Variants in DLGAP2 observed in about 807,000 individuals in gnomAD.
The protein encoded by DLGAP2 is disks large-associated protein 2.
A neutral mutation model predicts 100.3 loss-of-function variants in DLGAP2; 26 were observed. The ratio of observed to expected loss-of-function variants is 0.26; its 90% CI spans 0.19 to 0.36. The LOEUF is 0.36. Ranked by LOEUF, DLGAP2 falls within the 10% of genes least tolerant of loss-of-function variation. DLGAP2 has a pLI of 1.00. For synonymous variants in DLGAP2, 886 were observed against 630.1 expected (o/e 1.41, Z -6.08); for missense variants, 1,858 against 1,453.2 (o/e 1.28, Z -4.53).
chr8:1,175,412 G>A (rs1424157554), intron 2 of DLGAP2, among the ~76,000 whole-genome samples: 1 of 152,128 alleles, frequency 6.6e-6, no homozygotes, highest in African/African-American at 2.4e-5. Flanking sequence ...TACCATCATA[G>A]TTGTGACTAA....
chr8:1,536,103 A>G (rs1801146007), intron 4 of DLGAP2, among the ~76,000 whole-genome samples: 1 of 152,214 alleles, frequency 6.6e-6, no homozygotes, highest in Non-Finnish European at 1.5e-5. Context: ...GTGTAGCAGG[A>G]CAAGCACCTA....
intron 1 of DLGAP2, among the ~76,000 whole-genome samples, chr8:792,401 T>G (rs1585867777): frequency 6.6e-6 from 1 of 152,228 alleles, no homozygotes; most frequent in South Asian, 2.1e-4. Flanking sequence ...TATTTCACAT[T>G]TTAGGACTTA....
intron 2 of DLGAP2, among the ~76,000 whole-genome samples, chr8:930,024 G>C (rs988306314): frequency 7.2e-5 from 11 of 152,066 alleles, no homozygotes; most frequent in Admixed American, 2.6e-4. Flanking sequence ...TGGTGCACCT[G>C]CTCATCCTGA....
intron 3 of DLGAP2, among the ~76,000 whole-genome samples, chr8:1,436,361 G>A (rs1318597804): frequency 1.3e-5 from 2 of 152,156 alleles, no homozygotes; most frequent in African/African-American, 4.8e-5. Flanking sequence ...AAACATGGAG[G>A]CTGGAAGACT....
intron 2 of DLGAP2, among the ~76,000 whole-genome samples, chr8:1,040,636 G>C (rs1209440668): frequency 6.6e-6 from 1 of 151,070 alleles, no homozygotes; most frequent in Non-Finnish European, 1.5e-5. Flanking sequence ...CGATTTCCGT[G>C]GTTGGCTCGG....
intron 1 of DLGAP2, among the ~76,000 whole-genome samples, chr8:886,500 G>C (rs1797925103): frequency 6.6e-6 from 1 of 152,030 alleles, no homozygotes; most frequent in Admixed American, 6.6e-5. Flanking sequence ...TTTCTGATGT[G>C]GGCATTTAGT....
intron 2 of DLGAP2, among the ~76,000 whole-genome samples, chr8:1,122,189 C>T (rs1011454108): frequency 3.3e-5 from 5 of 152,190 alleles, no homozygotes; most frequent in African/African-American, 1.2e-4. Flanking sequence ...GGTTCCACAG[C>T]AGACTCTCAT....
chr8:1,692,593 A>C (rs1482907205), intron 13 of DLGAP2, among the ~76,000 whole-genome samples: 1 of 152,172 alleles, frequency 6.6e-6, no homozygotes, highest in Non-Finnish European at 1.5e-5. Context: ...AGCATCTTAG[A>C]AGAGGAGAAA....
intron 2 of DLGAP2, among the ~76,000 whole-genome samples, chr8:951,410 A>T (rs1161599873): frequency 6.6e-6 from 1 of 151,888 alleles, no homozygotes; most frequent in Non-Finnish European, 1.5e-5. Context: ...ACACCTGGCT[A>T]TTTTTTTGTT....
Position 1,703,524 on chromosome 8 carries a change from G to C in DLGAP2, c.*2118G>C, listed in dbSNP as rs951028721. On this transcript the variant is annotated 3_prime_UTR_variant, in exon 15 of 15. Coordinates refer to ENST00000637795, the MANE Select transcript of DLGAP2 (RefSeq NM_001346810.2). ...GATTTCAGATGAACTCTGCTGTTTA[G>C]AAGTAACCACAGAAAAGCAAAGTCA... The C allele has an allele frequency of 6.6e-6, 1 of 152,432 alleles. No individual in the cohort carries two copies. The highest frequency in any genetic ancestry group is 2.4e-5 in the African/African-American group (1 of 41,436). The allele number at this position is 152,432 out of a possible 1,614,324, so 9.4% of individuals were successfully genotyped here. A position where few individuals can be genotyped will look rare whatever the true frequency, so the allele number is the denominator to read the frequency against.
intron 2 of DLGAP2, among the ~76,000 whole-genome samples, chr8:965,861 G>C (rs1054603805): frequency 6.8e-6 from 1 of 148,058 alleles, no homozygotes; most frequent in East Asian, 2.0e-4. Context: ...TCCAGAGCCC[G>C]ACCCCCGCAT....
intron 4 of DLGAP2, among the ~76,000 whole-genome samples, chr8:1,523,227 G>T (rs1007649730): frequency 2.0e-5 from 3 of 152,220 alleles, no homozygotes. Flanking sequence ...TGAAGATGTA[G>T]CTCCCTCACA....
At chr8:1,363,840 C>T (rs911136359) in intron 3 of DLGAP2, among the ~76,000 whole-genome samples, 6 of 152,254 alleles carry the variant, frequency 3.9e-5, no homozygotes, top group African/African-American at 7.2e-5. Flanking sequence ...CCGTGGCAGG[C>T]CTGGCCTTGG....
At position 1,647,488 on chromosome 8, in the gene DLGAP2, C is replaced by CAAAAAAAAAAAAAAAAA. The variant is rs567451595; in HGVS notation, c.1810+14464_1810+14480dup. On this transcript the variant is annotated intron_variant, in intron 8 of 14. Transcript: ENST00000637795. ...TGGGAGACAGAGAGAGACTCTGTCT[C>CAAAAAAAAAAAAAAAAA]AAAAAAAAAAAAAAAAAAAAAAAAA... 8.9e-5 allele frequency among the ~76,000 whole-genome samples: 4 copies of CAAAAAAAAAAAAAAAAA among 44,968 alleles called. 1 individual carries two copies. The highest frequency in any genetic ancestry group is 1.1e-4 in the African/African-American group (2 of 18,752). 29.5% of individuals were successfully genotyped at this position (44,968 alleles called of 152,430 possible).
rs564851783 is a variant in DLGAP2, at chr8:1,270,896, G to A, written c.106+12013G>A. On this transcript the variant is annotated intron_variant, in intron 3 of 14. Coordinates refer to ENST00000637795, the MANE Select transcript of DLGAP2 (RefSeq NM_001346810.2). ...GATTTTTATTTTCTAGATGTTCTTC[G>A]TAAATTTGGTTTCCACGACTGTATA... Among the ~76,000 whole-genome samples the A allele has an allele frequency of 1.8e-4, 28 of 152,128 alleles. No homozygotes were observed. The South Asian group carries it at 3.9e-3, about 21-fold the overall frequency.
intron 2 of DLGAP2, among the ~76,000 whole-genome samples, chr8:910,089 A>G (rs1452881335): frequency 6.6e-6 from 1 of 152,184 alleles, no homozygotes; most frequent in Non-Finnish European, 1.5e-5. Context: ...AGTTCTGCAG[A>G]TGGAGGGTGG....
intron 5 of DLGAP2, among the ~76,000 whole-genome samples, chr8:1,556,153 C>A (rs1304076510): frequency 1.3e-5 from 2 of 152,214 alleles, no homozygotes; most frequent in Non-Finnish European, 2.9e-5. Flanking sequence ...GAACCATCTG[C>A]ATTTATGCCA....
At chr8:1,116,194 C>T (rs1326475095) in intron 2 of DLGAP2, among the ~76,000 whole-genome samples, 1 of 152,216 alleles carries the variant, frequency 6.6e-6, no homozygotes, top group East Asian at 1.9e-4. Context: ...CCGCACTGGC[C>T]TTCCGTGTGA....
At position 1,097,602 on chromosome 8, in the gene DLGAP2, T is replaced by A. The variant is rs111845896; in HGVS notation, c.74-161249T>A. ...CTTCACCCTCTGTGGCATGGAGAGG[T>A]CCCCTCCAGTGTGAGACCCAGCTCC... On this transcript the variant is annotated intron_variant, in intron 2 of 14. Coordinates refer to ENST00000637795, the MANE Select transcript of DLGAP2 (RefSeq NM_001346810.2). 4.7e-4 allele frequency among the ~76,000 whole-genome samples: 46 copies of A among 97,774 alleles called. 1 individual carries two copies. The highest frequency in any genetic ancestry group is 1.3e-3 in the African/African-American group (29 of 22,738). The allele number at this position is 97,774 out of a possible 152,430, so 64.1% of individuals were successfully genotyped here. A position where few individuals can be genotyped will look rare whatever the true frequency, so the allele number is the denominator to read the frequency against.
Sources: allele counts gnomAD v4.1 joint callset (sites outside exome capture counted in the v4.1 genomes callset), GRCh38; gene constraint gnomAD v4.1.1; transcripts MANE v1.5; gene names NCBI Gene and HGNC (gene_info 2026-07-23, HGNC 2026-07-21).